The following ARPC4 variants were observed in gnomAD, a reference collection of about 807,000 sequenced individuals.
ARPC4 encodes the protein actin related protein 2/3 complex subunit 4.
Under a neutral mutation model 22.8 loss-of-function variants are expected in ARPC4, and 3 were observed. That is an observed-to-expected ratio of 0.13 (90% CI 0.06 to 0.34). The LOEUF is 0.34. Among genes scored for constraint, ARPC4 ranks in the 10% least tolerant of loss-of-function variants. The pLI is 1.00. For synonymous variants in ARPC4, 80 were observed against 72.5 expected, an observed-to-expected ratio of 1.10 and a Z score of -0.52; for missense variants, 98 against 211.0, an observed-to-expected ratio of 0.46 and a Z score of 3.32.
intron 4 of ARPC4, among the ~76,000 whole-genome samples, chr3:9,802,466 C>T (rs1204540400): frequency 6.6e-6 from 1 of 150,740 alleles, no homozygotes; most frequent in Non-Finnish European, 1.5e-5. Flanking sequence ...AGCTCCGCCT[C>T]CCGGGTTCAC....
At chr3:9,804,434 C>T (rs1177935247) in intron 5 of ARPC4, among the ~76,000 whole-genome samples, 1 of 152,226 alleles carries the variant, frequency 6.6e-6, no homozygotes. Flanking sequence ...CAGCATGTTT[C>T]TCAGGCTTAA....
intron 5 of ARPC4, among the ~76,000 whole-genome samples, chr3:9,805,242 T>C (rs2079084397): frequency 6.6e-6 from 1 of 152,258 alleles, no homozygotes; most frequent in Non-Finnish European, 1.5e-5. Context: ...TATGTTCACA[T>C]GTCCCATTTA....
intron 5 of ARPC4, 182 bp downstream of exon 5, chr3:9,804,195 CTG>C (rs1189375054): frequency 1.2e-4 from 67 of 582,022 alleles, no homozygotes; most frequent in Non-Finnish European, 1.7e-4. Context: ...AAGTTCATCT[CTG>C]AGAGCTACAA....
At position 9,803,863 on chromosome 3, in the gene ARPC4, G is replaced by A; in HGVS notation, c.351G>A (p.Leu117=). 1 of 1,614,106 alleles carries A rather than the reference G, an allele frequency of 6.2e-7. No individual in the cohort carries two copies. The stretch of plus-strand genomic sequence containing the variant: ...CCTAGGGGTATGATATCAGCTTTCT[G>A]ATCACCAACTTCCACACAGAGCAGA... ...KPVEGYDISF[L]ITNFHTEQMY... is the part of the protein sequence containing the mutation. Residue 117 remains leucine (L), a synonymous_variant, in exon 5 of 6, where the codon CTG becomes CTA. Transcript: ENST00000397261.
At position 9,800,868 on chromosome 3, in the gene ARPC4, T is replaced by C. The variant is rs187914406; in HGVS notation, c.234+572T>C. On this transcript the variant is annotated intron_variant, in intron 3 of 5. Transcript: ENST00000397261. ...TGGGAGGTTAACAAGTGTTGAGAGG[T>C]GTTAAGGGCATGCTAGCAACCAGCA... Among the ~76,000 whole-genome samples the C allele has an allele frequency of 1.9e-3, 296 of 151,950 alleles. 1 individual carries two copies. The highest frequency in any genetic ancestry group is 3.5e-3 in the South Asian group (17 of 4,820).
upstream of ARPC4, chr3:9,792,946 G>A (rs2078778998): frequency 6.4e-6 from 9 of 1,414,216 alleles, no homozygotes; most frequent in Non-Finnish European, 8.3e-6. Flanking sequence ...ACAGCCCTAG[G>A]TGGAAAACTT....
In ARPC4 at chr3:9,806,309, C is replaced by A; in HGVS notation, c.*94C>A. The A allele has an allele frequency of 6.8e-7, 1 of 1,459,904 alleles. No individual in the cohort carries two copies. Among genetic ancestry groups the A allele is most frequent in the Non-Finnish European group, 9.6e-7 (1 of 1,039,880 alleles). 90.4% of individuals were successfully genotyped at this position (1,459,904 alleles called of 1,614,324 possible). ...CACTCCCCGAGCAGCGCGGCGGCGGCAGGGAGTTGGGTTGGGGTGGGCATT... is the reference window on the plus strand; with the variant it reads ...CACTCCCCGAGCAGCGCGGCGGCGGAAGGGAGTTGGGTTGGGGTGGGCATT... On this transcript the variant is annotated 3_prime_UTR_variant, in exon 6 of 6. Transcript: ENST00000397261.
chr3:9,804,355 T>A (rs1450135865), intron 5 of ARPC4: 1 of 205,508 alleles, frequency 4.9e-6, no homozygotes, highest in East Asian at 1.1e-4. Context: ...GCATGTGAAT[T>A]TTCTAGGAGT....
intron 1 of ARPC4, among the ~76,000 whole-genome samples, chr3:9,796,604 A>G (rs1268127173): frequency 6.6e-6 from 1 of 152,128 alleles, no homozygotes; most frequent in Non-Finnish European, 1.5e-5. Context: ...TGGCTGATAC[A>G]AGGACTGACC....
chr3:9,797,740 G>A lies in ARPC4; in HGVS notation c.85G>A (p.Val29Ile). ...ALCLENFSSQ[V>I]VERHNKPEVE... The stretch of plus-strand genomic sequence containing the variant: ...CTGCCTGGAGAACTTCTCCTCCCAG[G>A]TTGTGGAACGACACAACAAGCCGGA... Residue 29 changes from valine (V) to isoleucine (I), a missense_variant, in exon 2 of 6, where the codon GTT becomes ATT. Transcript: ENST00000397261. 6.2e-7 allele frequency: 1 copy of A among 1,614,164 alleles called. No homozygotes were observed. The highest frequency in any genetic ancestry group is 1.1e-5 in the South Asian group (1 of 91,084).
At chr3:9,800,576 C>A (rs368324401) in intron 3 of ARPC4, among the ~76,000 whole-genome samples, 12 of 152,240 alleles carry the variant, frequency 7.9e-5, no homozygotes, top group East Asian at 3.9e-4. Flanking sequence ...AGGCATCCGC[C>A]ACCACGCCCA....
At position 9,793,446 on chromosome 3, in the gene ARPC4, C is replaced by T. The variant is rs193129904; in HGVS notation, c.3+322C>T. On this transcript the variant is annotated intron_variant, in intron 1 of 5. Coordinates refer to ENST00000397261, the MANE Select transcript of ARPC4 (RefSeq NM_005718.5). The stretch of plus-strand genomic sequence containing the variant: ...GAGCATTTCGAGGGTACGTAGTCGG[C>T]CTCTTAGCCTCTGAGGCATGAAGCA... Among the ~76,000 whole-genome samples, 41 of 152,296 alleles carry T rather than the reference C, an allele frequency of 2.7e-4. No homozygotes were observed. In the East Asian group the frequency reaches 3.1e-3, roughly 11 times the overall value.
chr3:9,803,744 G>A, intron 4 of ARPC4, 99 bp from the exon 5 acceptor site: 1 of 1,273,606 alleles, frequency 7.9e-7, no homozygotes, highest in South Asian at 1.3e-5. Context: ...CCAGTGGGAA[G>A]CATGTGGATG....
upstream of ARPC4, chr3:9,792,830 G>A (rs1361164377): frequency 1.4e-5 from 19 of 1,356,886 alleles, no homozygotes; most frequent in Non-Finnish European, 1.7e-5. Context: ...ACCTGGGGGA[G>A]GCTGTGGCAA....
chr3:9,793,142 C>T lies in ARPC4; in HGVS notation c.3+18C>T. 1 of 1,540,702 alleles carries T rather than the reference C, an allele frequency of 6.5e-7. No homozygotes were observed. Among genetic ancestry groups the T allele is most frequent in the Non-Finnish European group, 8.8e-7 (1 of 1,141,736 alleles). On this transcript the variant is annotated intron_variant, in intron 1 of 5. Transcript: ENST00000397261. Reference sequence around the variant, plus strand: ...CCGCGATGGTGAGAGAGCCGGGCCCCCGGCCAGGGACCCCCGGCTGTTCGG... The same window carrying T: ...CCGCGATGGTGAGAGAGCCGGGCCCTCGGCCAGGGACCCCCGGCTGTTCGG...
intron 5 of ARPC4, among the ~76,000 whole-genome samples, chr3:9,805,434 A>C (rs543371643): frequency 1.3e-5 from 2 of 152,232 alleles, no homozygotes; most frequent in Non-Finnish European, 2.9e-5. Flanking sequence ...CAAGGGTCAC[A>C]AATTCAGGTG....
At position 9,806,580 on chromosome 3, in the gene ARPC4, A is replaced by C; in HGVS notation, c.*365A>C. On this transcript the variant is annotated 3_prime_UTR_variant, in exon 6 of 6. Coordinates refer to ENST00000397261, the MANE Select transcript of ARPC4 (RefSeq NM_005718.5). ...GGCTGTGACTGGTCCCAGTGATTATACGTTATTGGTTGCTGTGGGTCTGGG... is the reference window on the plus strand; with the variant it reads ...GGCTGTGACTGGTCCCAGTGATTATCCGTTATTGGTTGCTGTGGGTCTGGG... 1 of 292,968 alleles carries C rather than the reference A, an allele frequency of 3.4e-6. No homozygotes were observed. The highest frequency in any genetic ancestry group is 6.3e-6 in the Non-Finnish European group (1 of 159,566). The allele number at this position is 292,968 out of a possible 1,614,324, so 18.1% of individuals were successfully genotyped here.
chr3:9,804,293 C>T (rs2079067055), intron 5 of ARPC4: 1 of 330,688 alleles, frequency 3.0e-6, no homozygotes, highest in African/African-American at 2.1e-5. Context: ...AGGATGTTCA[C>T]AAAGTCCTTG....
intron 1 of ARPC4, among the ~76,000 whole-genome samples, chr3:9,797,052 A>T (rs1031813715): frequency 6.6e-6 from 1 of 150,544 alleles, no homozygotes; most frequent in Non-Finnish European, 1.5e-5. Flanking sequence ...AAATCTAAAT[A>T]TTTCACATGT....
Sources: allele counts gnomAD v4.1 joint callset (sites outside exome capture counted in the v4.1 genomes callset), GRCh38; gene constraint gnomAD v4.1.1; transcripts MANE v1.5; gene names NCBI Gene and HGNC (gene_info 2026-07-23, HGNC 2026-07-21).